Variants in GSE1 observed in about 807,000 individuals in gnomAD.
GSE1 encodes Gse1 coiled-coil protein, also known as genetic suppressor element 1.
GSE1 carries 32 observed loss-of-function variants against 112.6 expected under a neutral mutation model. The observed-to-expected ratio is 0.28, with a 90% CI of 0.21 to 0.38. The LOEUF (loss-of-function observed/expected upper bound fraction) is 0.38. GSE1 is among the 10% of genes least tolerant of loss of function. GSE1 has a pLI of 1.00. For missense variants in GSE1, 2,348 were observed against 1,699.2 expected (o/e 1.38, Z -6.71); for synonymous variants, 1,115 against 735.6 (o/e 1.52, Z -8.35).
chr16:85,403,260 C>T (rs1486708900), intron 2 of GSE1, among the ~76,000 whole-genome samples: 1 of 152,118 alleles, frequency 6.6e-6, no homozygotes, highest in East Asian at 1.9e-4. Flanking sequence ...AGTCTGTAAC[C>T]GACACCGGAA....
intron 2 of GSE1, among the ~76,000 whole-genome samples, chr16:85,410,996 T>C (rs2048519023): frequency 1.3e-5 from 1 of 77,392 alleles, no homozygotes; most frequent in African/African-American, 8.6e-5. Flanking sequence ...CGGATAATCC[T>C]CACTGTTACA....
intron 2 of GSE1, among the ~76,000 whole-genome samples, chr16:85,387,188 G>A (rs1597567132): frequency 6.6e-6 from 1 of 152,122 alleles, no homozygotes; most frequent in East Asian, 1.9e-4. Context: ...AACGGACACC[G>A]GGCCTAAGGA....
chr16:85,287,335 CCCCTG>C (rs2045063103), intron 1 of GSE1, among the ~76,000 whole-genome samples: 1 of 152,188 alleles, frequency 6.6e-6, no homozygotes, highest in South Asian at 2.1e-4. Flanking sequence ...CCTGCCCATC[CCCCTG>C]CACCAGCCAC....
chr16:85,289,470 G>T (rs1020279436), intron 1 of GSE1, among the ~76,000 whole-genome samples: 4 of 152,202 alleles, frequency 2.6e-5, no homozygotes, highest in Admixed American at 1.3e-4. Context: ...TCAAACCAAT[G>T]TGTGTGAACC....
intron 2 of GSE1, among the ~76,000 whole-genome samples, chr16:85,372,892 A>G (rs528287499): frequency 1.3e-5 from 2 of 152,314 alleles, no homozygotes; most frequent in African/African-American, 4.8e-5. Flanking sequence ...GGAGGGGAAA[A>G]GTGACTTGCT....
intron 11 of GSE1, chr16:85,664,813 T>C: frequency 1.7e-6 from 1 of 572,256 alleles, no homozygotes; most frequent in Non-Finnish European, 3.1e-6. Flanking sequence ...TCTAGGACAT[T>C]GTGTAGTGGA....
At chr16:85,344,832 C>T (rs996718285) in intron 1 of GSE1, among the ~76,000 whole-genome samples, 2 of 152,198 alleles carry the variant, frequency 1.3e-5, no homozygotes, top group African/African-American at 2.4e-5. Flanking sequence ...GGGGAGGAGC[C>T]GGTGGTGTAG....
At chr16:85,668,821 A>G (rs1331641115) in intron 14 of GSE1, among the ~76,000 whole-genome samples, 4 of 152,192 alleles carry the variant, frequency 2.6e-5, no homozygotes, top group Non-Finnish European at 4.4e-5. Flanking sequence ...TTGCCTAGTG[A>G]CAGACTCCCC....
At chr16:85,306,336 G>A (rs774211356) in intron 1 of GSE1, 7 of 154,208 alleles carry the variant, frequency 4.5e-5, no homozygotes, top group Non-Finnish European at 8.8e-5. Context: ...TCAGGTCTGC[G>A]TGAGTGCAGG....
Position 85,654,305 on chromosome 16 carries a change from G to A in GSE1, c.454G>A (p.Gly152Ser), listed in dbSNP as rs1360168668. ...TGCCGGCTCCAGGAGCAGCAGTGGA[G>A]GTCGGGAACGCCTCATTGTGGAGCC... ...QDAGSRSSSG[G>S]RERLIVEPPL... is the part of the protein sequence containing the mutation. The change falls in exon 4 of 16, where the codon GGT becomes AGT. Residue 152 changes from glycine (G) to serine (S), a missense_variant. By Grantham distance (56) the Gly-to-Ser change is moderately conservative (BLOSUM62 0). Coordinates refer to ENST00000253458, the MANE Select transcript of GSE1 (RefSeq NM_014615.5). The A allele has an allele frequency of 1.2e-6, 2 of 1,606,820 alleles. No homozygotes were observed. The highest frequency in any genetic ancestry group is 4.5e-5 in the East Asian group (2 of 44,250).
At chr16:85,541,108 G>A (rs111787949) in intron 2 of GSE1, among the ~76,000 whole-genome samples, 2,242 of 152,172 alleles carry the variant, frequency 0.015, 24 homozygotes, top group Non-Finnish European at 0.023. Flanking sequence ...TTTGTCCAGC[G>A]CAGTCAGGGT....
chr16:85,360,363 C>A (rs1442058922), intron 2 of GSE1, among the ~76,000 whole-genome samples: 1 of 152,094 alleles, frequency 6.6e-6, no homozygotes, highest in Non-Finnish European at 1.5e-5. Flanking sequence ...CCCTGCCCTG[C>A]GGCCGGGTGG....
intron 1 of GSE1, among the ~76,000 whole-genome samples, chr16:85,229,036 C>T (rs570324400): frequency 2.2e-4 from 33 of 152,302 alleles, no homozygotes; most frequent in African/African-American, 7.7e-4. Context: ...TGGGAGGGTG[C>T]GACACTCGCC....
intron 2 of GSE1, among the ~76,000 whole-genome samples, chr16:85,450,840 C>A (rs965577642): frequency 6.6e-6 from 1 of 152,076 alleles, no homozygotes; most frequent in South Asian, 2.1e-4. Context: ...GTGGGCCGAT[C>A]ACCTAAGGTT....
At chr16:85,481,737 A>T (rs1382583767) in intron 2 of GSE1, among the ~76,000 whole-genome samples, 1 of 152,230 alleles carries the variant, frequency 6.6e-6, no homozygotes, top group Non-Finnish European at 1.5e-5. Context: ...TGCATTTAGG[A>T]GGACTCTGCC....
At chr16:85,324,205 C>T (rs1159506777) in intron 1 of GSE1, among the ~76,000 whole-genome samples, 1 of 152,078 alleles carries the variant, frequency 6.6e-6, no homozygotes, top group African/African-American at 2.4e-5. Context: ...ACTGTAGGTA[C>T]CCAAGAGAAT....
intron 2 of GSE1, among the ~76,000 whole-genome samples, chr16:85,647,065 T>C (rs527781873): frequency 6.6e-6 from 1 of 152,136 alleles, no homozygotes; most frequent in East Asian, 1.9e-4. Context: ...GAAGGCAGTT[T>C]TGCTCCATGA....
At chr16:85,620,868 T>G (rs1476519666) in intron 1 of GSE1, among the ~76,000 whole-genome samples, 8 of 151,958 alleles carry the variant, frequency 5.3e-5, no homozygotes, top group Non-Finnish European at 7.4e-5. Flanking sequence ...TCTGCTGTGT[T>G]GGGGAACCCG....
chr16:85,600,522 GGT>G (rs1459728442), intron 1 of GSE1, among the ~76,000 whole-genome samples: 1 of 151,762 alleles, frequency 6.6e-6, no homozygotes, highest in Non-Finnish European at 1.5e-5. Context: ...AGAAGGCTGT[GGT>G]GTGTGTGTCT....
Sources: gnomAD v4.1 joint callset for allele counts (sites outside exome capture counted in the v4.1 genomes callset) on GRCh38, gnomAD v4.1.1 for gene constraint, MANE v1.5 for transcripts, NCBI Gene and HGNC (gene_info 2026-07-23, HGNC 2026-07-21) for gene names.